CNTNAP2: variants seen among roughly 807,000 people sequenced by gnomAD.
CNTNAP2 encodes the protein contactin-associated protein-like 2.
A neutral mutation model predicts 155.2 loss-of-function variants in CNTNAP2; 98 were observed. The observed-to-expected ratio is 0.63, with a 90% CI of 0.54 to 0.75. The LOEUF (loss-of-function observed/expected upper bound fraction) is 0.75. Among genes scored for constraint, CNTNAP2 ranks in the 30% least tolerant of loss-of-function variants. The pLI, the probability that CNTNAP2 is intolerant of heterozygous loss-of-function variation, is 0.00. For synonymous variants in CNTNAP2, 651 were observed against 631.2 expected (o/e 1.03, Z -0.47); for missense variants, 1,727 against 1,688.1 (o/e 1.02, Z -0.40).
intron 15 of CNTNAP2, among the ~76,000 whole-genome samples, chr7:148,045,414 G>C (rs1802758370): frequency 6.6e-6 from 1 of 152,194 alleles, no homozygotes; most frequent in South Asian, 2.1e-4. Flanking sequence ...TCTCCATGCA[G>C]TCCATGCAGC....
In CNTNAP2 at chr7:147,765,669, T is replaced by TTTTA. The variant is rs556027076; in HGVS notation, c.2098+126364_2098+126365insTTAT. The stretch of plus-strand genomic sequence containing the variant: ...GAACACTTTGAGAAACCATTTATGA[T>TTTTA]TGCGTATAAAGTAAAAAAAACATGT... On this transcript the variant is annotated intron_variant, in intron 13 of 23. Transcript: ENST00000361727. Among the ~76,000 whole-genome samples the TTTTA allele has an allele frequency of 1.6e-3, 250 of 152,256 alleles. 1 individual carries two copies. The highest frequency in any genetic ancestry group is 5.7e-3 in the African/African-American group (237 of 41,560).
intron 1 of CNTNAP2, among the ~76,000 whole-genome samples, chr7:146,700,531 A>C (rs1408182003): frequency 1.3e-5 from 2 of 152,128 alleles, no homozygotes. Context: ...AAGGCATTGT[A>C]CATGTATGTT....
At chr7:146,561,991 T>A (rs1798286811) in intron 1 of CNTNAP2, among the ~76,000 whole-genome samples, 1 of 152,094 alleles carries the variant, frequency 6.6e-6, no homozygotes. Context: ...GGTTTCACAA[T>A]GTTGCCCAGG....
chr7:147,664,065 A>T lies in CNTNAP2; in HGVS notation c.2098+24759A>T, dbSNP rs892691676. Reference sequence around the variant, plus strand: ...AGTACTAAATTAATAGAAATTTTTCATGTCAACTAGTGCATTATTTTGTTA... The same window carrying T: ...AGTACTAAATTAATAGAAATTTTTCTTGTCAACTAGTGCATTATTTTGTTA... On this transcript the variant is annotated intron_variant, in intron 13 of 23. Coordinates refer to ENST00000361727, the MANE Select transcript of CNTNAP2 (RefSeq NM_014141.6). Among the ~76,000 whole-genome samples the T allele has an allele frequency of 1.6e-4, 24 of 152,370 alleles. 1 individual carries two copies. The highest frequency in any genetic ancestry group is 3.4e-4 in the Non-Finnish European group (23 of 68,036).
intron 10 of CNTNAP2, among the ~76,000 whole-genome samples, chr7:147,434,150 C>G (rs1797510496): frequency 6.6e-6 from 1 of 152,154 alleles, no homozygotes; most frequent in Non-Finnish European, 1.5e-5. Flanking sequence ...AACTGGGTTT[C>G]CTGTTCAAGG....
At chr7:147,995,910 T>C (rs919542326) in intron 15 of CNTNAP2, among the ~76,000 whole-genome samples, 6 of 152,218 alleles carry the variant, frequency 3.9e-5, no homozygotes, top group African/African-American at 1.4e-4. Flanking sequence ...TTCTGCTGCA[T>C]CCATTCCCCG....
At chr7:146,886,355 A>G (rs1795660025) in intron 3 of CNTNAP2, among the ~76,000 whole-genome samples, 1 of 151,818 alleles carries the variant, frequency 6.6e-6, no homozygotes, top group African/African-American at 2.4e-5. Context: ...TTGCCCTCCT[A>G]CATTCTTTTA....
rs572258935 is a variant in CNTNAP2, at chr7:147,604,060, C to T, written c.1898-35046C>T. 1.1e-4 allele frequency among the ~76,000 whole-genome samples: 17 copies of T among 152,242 alleles called. No homozygotes were observed. The East Asian group carries it at 3.3e-3, about 29-fold the overall frequency. ...TTGGATCCCTTCCTTACACCTTATA[C>T]AAAAATTAATTCAAGATGGATTAAA... On this transcript the variant is annotated intron_variant, in intron 12 of 23. Transcript: ENST00000361727.
At chr7:148,112,104 G>C (rs754902856) in intron 15 of CNTNAP2, among the ~76,000 whole-genome samples, 15 of 152,178 alleles carry the variant, frequency 9.9e-5, no homozygotes, top group Non-Finnish European at 1.9e-4. Context: ...GGACAAAAAC[G>C]TGACTGCAGA....
At chr7:147,011,016 C>T (rs1243624026) in intron 3 of CNTNAP2, among the ~76,000 whole-genome samples, 3 of 152,030 alleles carry the variant, frequency 2.0e-5, no homozygotes, top group Non-Finnish European at 4.4e-5. Flanking sequence ...GGAAGCTTCA[C>T]CACCGTGTAT....
chr7:146,840,734 A>G (rs1338047096), intron 3 of CNTNAP2, among the ~76,000 whole-genome samples: 1 of 152,162 alleles, frequency 6.6e-6, no homozygotes, highest in Non-Finnish European at 1.5e-5. Context: ...CTTTATCATG[A>G]ATCACTCTTG....
At chr7:146,789,534 A>T (rs1330107183) in intron 2 of CNTNAP2, among the ~76,000 whole-genome samples, 1 of 152,020 alleles carries the variant, frequency 6.6e-6, no homozygotes, top group Non-Finnish European at 1.5e-5. Flanking sequence ...ACTATACTAA[A>T]AGCCTAGCCA....
chr7:147,374,020 T>C (rs948591467), intron 9 of CNTNAP2, among the ~76,000 whole-genome samples: 1 of 151,950 alleles, frequency 6.6e-6, no homozygotes, highest in African/African-American at 2.4e-5. Flanking sequence ...TAACAGATGA[T>C]GGGAGTTTAG....
intron 21 of CNTNAP2, among the ~76,000 whole-genome samples, chr7:148,382,685 G>A (rs755595720): frequency 6.6e-6 from 1 of 152,272 alleles, no homozygotes; most frequent in African/African-American, 2.4e-5. Flanking sequence ...CCAGGGAGTC[G>A]GCAGGGACAT....
intron 12 of CNTNAP2, among the ~76,000 whole-genome samples, chr7:147,614,590 C>A (rs557654043): frequency 6.6e-6 from 1 of 151,478 alleles, no homozygotes; most frequent in Non-Finnish European, 1.5e-5. Flanking sequence ...ATCTTCTCTA[C>A]AATTCTTAGG....
chr7:146,335,266 A>G (rs983912473), intron 1 of CNTNAP2, among the ~76,000 whole-genome samples: 1 of 152,212 alleles, frequency 6.6e-6, no homozygotes, highest in Non-Finnish European at 1.5e-5. Context: ...ATGATGATAT[A>G]TACCGTTTCT....
chr7:147,781,254 A>C (rs1797657422), intron 13 of CNTNAP2, among the ~76,000 whole-genome samples: 1 of 152,212 alleles, frequency 6.6e-6, no homozygotes, highest in Non-Finnish European at 1.5e-5. Context: ...ACTTAATAAA[A>C]TCAAGTTAGC....
At chr7:146,122,773 C>T (rs183981293) in intron 1 of CNTNAP2, among the ~76,000 whole-genome samples, 1 of 152,272 alleles carries the variant, frequency 6.6e-6, no homozygotes, top group East Asian at 1.9e-4. Context: ...AAAATACAGC[C>T]TATTTACAAA....
intron 15 of CNTNAP2, among the ~76,000 whole-genome samples, chr7:148,054,973 C>T (rs1166083457): frequency 6.6e-6 from 1 of 151,324 alleles, no homozygotes; most frequent in East Asian, 1.9e-4. Flanking sequence ...ACCTCTTCCT[C>T]CCTGGTTCAA....
Sources: allele counts gnomAD v4.1 joint callset (sites outside exome capture counted in the v4.1 genomes callset), GRCh38; gene constraint gnomAD v4.1.1; transcripts MANE v1.5; gene names NCBI Gene and HGNC (gene_info 2026-07-23, HGNC 2026-07-21).